Variants in PAPPA observed in about 807,000 individuals in gnomAD.
PAPPA encodes the protein pappalysin-1.
A neutral mutation model predicts 164.0 loss-of-function variants in PAPPA; 60 were observed. The ratio of observed to expected loss-of-function variants is 0.37; its 90% CI spans 0.30 to 0.45. The LOEUF (loss-of-function observed/expected upper bound fraction) is 0.45. PAPPA is among the 20% of genes least tolerant of loss of function. PAPPA has a pLI of 1.00. For synonymous variants in PAPPA, 875 were observed against 814.1 expected (o/e 1.07, Z -1.27); for missense variants, 1,782 against 2,087.3 (o/e 0.85, Z 2.85).
rs907125633 is a variant in PAPPA at position 116,332,483 on chromosome 9, T to C, written c.3397+15T>C. The C allele has an allele frequency of 1.9e-6, 3 of 1,602,946 alleles. No homozygotes were observed. Among genetic ancestry groups the C allele is most frequent in the Non-Finnish European group, 2.6e-6 (3 of 1,170,890 alleles). ...CCACGATCTAGGTAAGCATGCTCTCTTGGTCTTGGCTTGCTTTCAGTACCT... is the reference window on the plus strand; with the variant it reads ...CCACGATCTAGGTAAGCATGCTCTCCTGGTCTTGGCTTGCTTTCAGTACCT... On this transcript the variant is annotated intron_variant, in intron 12 of 21. Transcript: ENST00000328252.
intron 5 of PAPPA, among the ~76,000 whole-genome samples, chr9:116,220,495 A>G (rs937234856): frequency 6.1e-5 from 9 of 148,230 alleles, no homozygotes; most frequent in Admixed American, 5.4e-4. Context: ...TATATATTAT[A>G]TTATATTAAT....
At position 116,331,278 on chromosome 9, in the gene PAPPA, G is replaced by A; in HGVS notation, c.3182G>A (p.Gly1061Asp). Residue 1061 changes from glycine (G) to aspartate (D), a missense_variant, in exon 11 of 22, where the codon GGC becomes GAC. Physicochemically the swap from Gly to Asp is moderately conservative, Grantham distance 94 (BLOSUM62 -1). This residue lies in a region of PAPPA where 1,324 missense variants were observed against 1,656.9 expected (regional missense o/e 0.80). Transcript: ENST00000328252. The part of the protein sequence containing the change: ...CRTKVIDLSE[G>D]ISQHAWYPCT... Reference sequence around the variant, plus strand: ...ACCAAGGTGATAGATCTCAGTGAAGGCATTTCCCAGCATGCCTGGTACCCT... The same window carrying A: ...ACCAAGGTGATAGATCTCAGTGAAGACATTTCCCAGCATGCCTGGTACCCT... The A allele has an allele frequency of 1.2e-6, 2 of 1,613,220 alleles. No homozygotes were observed. The highest frequency in any genetic ancestry group is 1.7e-6 in the Non-Finnish European group (2 of 1,179,240).
intron 1 of PAPPA, among the ~76,000 whole-genome samples, chr9:116,182,645 A>G (rs1452734965): frequency 6.6e-6 from 1 of 152,070 alleles, no homozygotes; most frequent in African/African-American, 2.4e-5. Context: ...CATGCCTTTG[A>G]GCTTTTCTCC....
intron 7 of PAPPA, 133 bp downstream of exon 7, chr9:116,235,770 T>C (rs1844657425): frequency 1.2e-6 from 1 of 862,542 alleles, no homozygotes; most frequent in Non-Finnish European, 1.9e-6. Flanking sequence ...TAACCCATCA[T>C]TGGGTGTAGA....
Position 116,332,386 on chromosome 9 carries a change from G to A in PAPPA, c.3315G>A (p.Thr1105=), listed in dbSNP as rs757147314. ...VAAAVIVHLV[T]DGTYYGDQKQ... ...CAGCTGTCATTGTCCACCTGGTGAC[G>A]GATGGGACATATTATGGGGACCAAA... Residue 1105 remains threonine, a synonymous_variant, in exon 12 of 22, where the codon ACG becomes ACA. Transcript: ENST00000328252. The A allele has an allele frequency of 8.9e-5, 143 of 1,613,820 alleles. No individual in the cohort carries two copies. The South Asian group carries it at 1.2e-3, about 13-fold the overall frequency.
intron 2 of PAPPA, among the ~76,000 whole-genome samples, chr9:116,198,165 A>T (rs1429577298): frequency 1.3e-5 from 2 of 152,212 alleles, no homozygotes; most frequent in Non-Finnish European, 2.9e-5. Flanking sequence ...GGTGGTGGGA[A>T]GAGAGCTGTG....
At chr9:116,177,031 T>G (rs1291782530) in intron 1 of PAPPA, among the ~76,000 whole-genome samples, 1 of 146,764 alleles carries the variant, frequency 6.8e-6, no homozygotes, top group African/African-American at 2.5e-5. Context: ...TGCAGGGACA[T>G]GTAAAATATG....
At chr9:116,248,822 C>T (rs1007163072) in intron 7 of PAPPA, among the ~76,000 whole-genome samples, 2 of 152,104 alleles carry the variant, frequency 1.3e-5, no homozygotes, top group African/African-American at 4.8e-5. Flanking sequence ...TCAGTAAACC[C>T]TGTGGTACAT....
chr9:116,373,160 A>G (rs983371405), intron 19 of PAPPA: 1 of 152,184 alleles, frequency 6.6e-6, no homozygotes, highest in African/African-American at 2.4e-5. Flanking sequence ...TGGAGAACTA[A>G]GTGCACTGGA....
At chr9:116,356,510 G>A (rs527471811) in intron 17 of PAPPA, among the ~76,000 whole-genome samples, 2 of 152,320 alleles carry the variant, frequency 1.3e-5, no homozygotes, top group East Asian at 3.9e-4. Flanking sequence ...AAACACAACA[G>A]ATTGCAACCT....
At chr9:116,248,563 T>C (rs1844824294) in intron 7 of PAPPA, among the ~76,000 whole-genome samples, 1 of 152,192 alleles carries the variant, frequency 6.6e-6, no homozygotes, top group African/African-American at 2.4e-5. Flanking sequence ...ACAGTGGGAC[T>C]CTCAGGACTC....
At chr9:116,386,260 T>TTTAGA (rs1846810381) in intron 21 of PAPPA, among the ~76,000 whole-genome samples, 1 of 152,166 alleles carries the variant, frequency 6.6e-6, no homozygotes, top group Non-Finnish European at 1.5e-5. Context: ...CTTCCTACAA[T>TTTAGA]TTAGATTTCC....
chr9:116,385,400 C>T (rs1846795898), intron 21 of PAPPA, among the ~76,000 whole-genome samples: 1 of 152,100 alleles, frequency 6.6e-6, no homozygotes, highest in Non-Finnish European at 1.5e-5. Flanking sequence ...CCCACCTCAG[C>T]CTCCCAAAGT....
In PAPPA at chr9:116,399,460, C is replaced by T. The variant is rs555732703; in HGVS notation, c.*2844C>T. 3 of 152,682 alleles carry T rather than the reference C, an allele frequency of 2.0e-5. No individual in the cohort carries two copies. Among genetic ancestry groups the T allele is most frequent in the South Asian group, 2.1e-4 (1 of 4,818 alleles). 9.5% of individuals were successfully genotyped at this position (152,682 alleles called of 1,614,324 possible). A position where few individuals can be genotyped will look rare whatever the true frequency, so the allele number is the denominator to read the frequency against. The stretch of plus-strand genomic sequence containing the variant: ...TTCATTTTCTTCCTGGGAATTAACT[C>T]GTCATTTCATTCCTTCAGTCATCTT... On this transcript the variant is annotated 3_prime_UTR_variant, in exon 22 of 22. Transcript: ENST00000328252.
intron 20 of PAPPA, among the ~76,000 whole-genome samples, chr9:116,381,996 G>A (rs1008623927): frequency 2.0e-5 from 3 of 152,048 alleles, no homozygotes; most frequent in Admixed American, 6.6e-5. Flanking sequence ...TACAAATTAC[G>A]TTTTTAATTA....
intron 1 of PAPPA, among the ~76,000 whole-genome samples, chr9:116,175,324 A>T (rs983391955): frequency 7.2e-5 from 11 of 152,218 alleles, no homozygotes; most frequent in Admixed American, 7.2e-4. Context: ...ATTATACAAC[A>T]TGATGACTAT....
In PAPPA at chr9:116,220,129, G is replaced by C. The variant is rs150183558; in HGVS notation, c.2111G>C (p.Arg704Thr). ...CCTATAGATGGCCATTTCTTTGAAA[G>C]GTGAGTGTGCCCTGTGTAGTGTTGA... is the stretch of plus-strand genomic sequence containing the variant. Reference protein sequence around the residue: ...FPPIDGHFFERELGSACHLCL... With the variant: ...FPPIDGHFFETELGSACHLCL... The change falls in exon 5 of 22, where the codon AGA becomes ACA. Residue 704 changes from arginine (R) to threonine (T), a missense_variant and splice_region_variant. By Grantham distance (71) the Arg-to-Thr change is moderately conservative (BLOSUM62 -1). Transcript: ENST00000328252. 3.1e-6 allele frequency: 5 copies of C among 1,610,984 alleles called. No individual in the cohort carries two copies. In the African/African-American group the frequency reaches 5.3e-5, roughly 17 times the overall value.
intron 6 of PAPPA, among the ~76,000 whole-genome samples, chr9:116,233,038 G>A (rs1279402742): frequency 1.1e-4 from 16 of 152,126 alleles, no homozygotes; most frequent in Admixed American, 1.0e-3. Flanking sequence ...ATGGAGGGGT[G>A]GAATGTTCAC....
chr9:116,304,773 AGAG>A (rs1310685254), intron 10 of PAPPA, among the ~76,000 whole-genome samples: 1 of 152,192 alleles, frequency 6.6e-6, no homozygotes, highest in East Asian at 1.9e-4. Flanking sequence ...CGATCTACAA[AGAG>A]GAGATGAGGA....
Sources: gnomAD v4.1 joint callset for allele counts (sites outside exome capture counted in the v4.1 genomes callset) on GRCh38, gnomAD v4.1.1 for gene constraint, gnomAD v4.1.1 regional missense constraint, MANE v1.5 for transcripts, NCBI Gene and HGNC (gene_info 2026-07-23, HGNC 2026-07-21) for gene names.